RTN4: variants seen among roughly 807,000 people sequenced by gnomAD.
RTN4 encodes the protein reticulon 4, also known as reticulon-4.
In RTN4, 32 loss-of-function variants were observed where a neutral mutation model predicts 90.4. The observed-to-expected ratio is 0.35, with a 90% CI of 0.27 to 0.48. The LOEUF is 0.48. Ranked by LOEUF, RTN4 falls within the 20% of genes least tolerant of loss-of-function variation. RTN4 has a pLI of 0.99. For missense variants in RTN4, 1,706 were observed against 1,430.2 expected (o/e 1.19, Z -3.11); for synonymous variants, 629 against 552.5 (o/e 1.14, Z -1.94).
At chr2:54,992,899 C>T (rs1679122822) in intron 3 of RTN4, among the ~76,000 whole-genome samples, 2 of 151,436 alleles carry the variant, frequency 1.3e-5, no homozygotes, top group South Asian at 4.2e-4. Flanking sequence ...GAAACCCCGT[C>T]TCTACTAAAA....
chr2:55,090,571 C>T (rs1249587135), intron 1 of RTN4, among the ~76,000 whole-genome samples: 1 of 152,174 alleles, frequency 6.6e-6, no homozygotes, highest in Non-Finnish European at 1.5e-5. Context: ...TCCCCTCTAT[C>T]CACCTGGAAG....
At chr2:55,064,766 C>T (rs950859379) in intron 2 of RTN4, among the ~76,000 whole-genome samples, 1 of 152,080 alleles carries the variant, frequency 6.6e-6, no homozygotes, top group Non-Finnish European at 1.5e-5. Flanking sequence ...ATAGAGTTTT[C>T]TGGTTAATCT....
chr2:55,026,122 A>G lies in RTN4; in HGVS notation c.1977T>C (p.Tyr659=). The G allele has an allele frequency of 6.2e-7, 1 of 1,613,426 alleles. No homozygotes were observed. The highest frequency in any genetic ancestry group is 1.7e-4 in the Middle Eastern group (1 of 6,050). ...IKHEPENPPP[Y]EEAMSVSLKK... ...TTAGTGATACACTCATGGCCTCTTCATATGGTGGGGGGTTTTCAGGCTCAT... is the reference window on the plus strand; with the variant it reads ...TTAGTGATACACTCATGGCCTCTTCGTATGGTGGGGGGTTTTCAGGCTCAT... Residue 659 remains tyrosine, a synonymous_variant, in exon 3 of 9, where the codon TAT becomes TAC. Coordinates refer to ENST00000337526, the MANE Select transcript of RTN4 (RefSeq NM_020532.5).
At chr2:55,079,566 A>G (rs1440905474) in intron 2 of RTN4, among the ~76,000 whole-genome samples, 3 of 152,198 alleles carry the variant, frequency 2.0e-5, no homozygotes, top group African/African-American at 7.2e-5. Flanking sequence ...TGATCTTTCA[A>G]TAAAAACTGA....
chr2:54,981,283 GT>G (rs1287152941), intron 5 of RTN4, among the ~76,000 whole-genome samples: 3,840 of 145,254 alleles, frequency 0.026, 178 homozygotes, highest in African/African-American at 0.092. Context: ...AAATGTTTTT[GT>G]TTTTTTTTTT....
At chr2:54,986,324 TCAGCAAACTTTC>T (rs1335444457) in intron 4 of RTN4, among the ~76,000 whole-genome samples, 1 of 152,112 alleles carries the variant, frequency 6.6e-6, no homozygotes, top group Non-Finnish European at 1.5e-5. Flanking sequence ...CAATTAGGGG[TCAGCAAACTTTC>T]TGTAAAGGGC....
At chr2:55,002,052 T>TATTTATTC (rs1273699406) in intron 3 of RTN4, among the ~76,000 whole-genome samples, 1 of 151,742 alleles carries the variant, frequency 6.6e-6, no homozygotes, top group Non-Finnish European at 1.5e-5. Context: ...AATCTTATTT[T>TATTTATTC]ATTTATTTAT....
At chr2:54,996,700 A>C (rs1279968188) in intron 3 of RTN4, among the ~76,000 whole-genome samples, 3 of 152,212 alleles carry the variant, frequency 2.0e-5, no homozygotes, top group East Asian at 1.9e-4. Context: ...ATAACGGCCG[A>C]AAGACTCAAA....
At chr2:55,059,332 A>C (rs1299060289) in intron 2 of RTN4, among the ~76,000 whole-genome samples, 1 of 151,620 alleles carries the variant, frequency 6.6e-6, no homozygotes, top group Non-Finnish European at 1.5e-5. Context: ...TAATATACTT[A>C]ATACATATAG....
chr2:55,021,178 C>T lies in RTN4; in HGVS notation c.3013+3908G>A, dbSNP rs973125577. Among the ~76,000 whole-genome samples the T allele has an allele frequency of 7.2e-5, 11 of 152,090 alleles. 1 individual carries two copies. The highest frequency in any genetic ancestry group is 5.2e-4 in the Admixed American group (8 of 15,270). On this transcript the variant is annotated intron_variant, in intron 3 of 8. Coordinates refer to ENST00000337526, the MANE Select transcript of RTN4 (RefSeq NM_020532.5). ...ACTTTTAAGTCATCTGAGAAGAGAG[C>T]TTCCCTTATGTTTTATCAGACCACT...
chr2:55,000,642 T>C (rs1256961768), intron 3 of RTN4, among the ~76,000 whole-genome samples: 1 of 152,192 alleles, frequency 6.6e-6, no homozygotes, highest in Non-Finnish European at 1.5e-5. Context: ...GCAAATGTAT[T>C]TGTACATTTG....
chr2:54,974,840 C>T (rs1677484919), intron 5 of RTN4, 76 bp from the exon 6 acceptor site: 1 of 1,199,668 alleles, frequency 8.3e-7, no homozygotes, highest in South Asian at 1.2e-5. Context: ...AAAAGCATCC[C>T]ATCTAAATGC....
At chr2:55,086,661 C>T (rs1478106244) in intron 1 of RTN4, among the ~76,000 whole-genome samples, 1 of 151,994 alleles carries the variant, frequency 6.6e-6, no homozygotes, top group Admixed American at 6.6e-5. Context: ...CAGAGGGAGA[C>T]ACTGTCTCTA....
At chr2:55,093,807 A>G (rs1668984772) in intron 1 of RTN4, among the ~76,000 whole-genome samples, 1 of 152,234 alleles carries the variant, frequency 6.6e-6, no homozygotes, top group Non-Finnish European at 1.5e-5. Flanking sequence ...AAGGTCTGGC[A>G]AGGATATAAT....
intron 4 of RTN4, 138 bp downstream of exon 4, chr2:54,987,353 G>T: frequency 1.5e-6 from 1 of 686,788 alleles, no homozygotes; most frequent in Non-Finnish European, 2.5e-6. Flanking sequence ...GATGTTTTTG[G>T]TATAGCTCAA....
intron 1 of RTN4, among the ~76,000 whole-genome samples, chr2:55,043,519 G>A (rs1047471281): frequency 6.6e-5 from 10 of 152,144 alleles, no homozygotes; most frequent in South Asian, 4.1e-4. Flanking sequence ...TTCAGAAGTC[G>A]AGGTGGGAGA....
intron 3 of RTN4, among the ~76,000 whole-genome samples, chr2:55,016,961 T>C (rs921597990): frequency 6.6e-6 from 1 of 152,214 alleles, no homozygotes; most frequent in Non-Finnish European, 1.5e-5. Flanking sequence ...GGTATCTCTT[T>C]TTTATGGTAC....
the RTN4 span, among the ~76,000 whole-genome samples, chr2:55,134,132 G>A: frequency 6.6e-6 from 1 of 152,132 alleles, no homozygotes; most frequent in African/African-American, 2.4e-5. Context: ...TCGCTAGTGG[G>A]CATTTCCTTT....
At chr2:55,135,783 A>G in the RTN4 span, among the ~76,000 whole-genome samples, 1 of 152,188 alleles carries the variant, frequency 6.6e-6, no homozygotes, top group African/African-American at 2.4e-5. Context: ...TGGAGTTTGC[A>G]TTTGCTAGAA....
Sources: gnomAD v4.1 joint callset for allele counts (sites outside exome capture counted in the v4.1 genomes callset) on GRCh38, gnomAD v4.1.1 for gene constraint, MANE v1.5 for transcripts, NCBI Gene and HGNC (gene_info 2026-07-23, HGNC 2026-07-21) for gene names.